The following PELO variants were observed in gnomAD, a reference collection of about 807,000 sequenced individuals.
The protein encoded by PELO is protein pelota homolog.
PELO carries 19 observed loss-of-function variants against 25.9 expected under a neutral mutation model. The observed-to-expected ratio is 0.73, with a 90% CI of 0.51 to 1.08. PELO has a LOEUF of 1.08. Ranked by LOEUF, PELO falls within the 50% of genes least tolerant of loss-of-function variation. The probability of loss-of-function intolerance (pLI) is 0.00; values close to 1 mark genes in which losing one functional copy is unlikely to be tolerated. For missense variants in PELO, 498 were observed against 491.4 expected (o/e 1.01, Z -0.13); for synonymous variants, 196 against 192.2 (o/e 1.02, Z -0.16).
intron 1 of PELO, among the ~76,000 whole-genome samples, chr5:52,791,047 C>T (rs1474836855): frequency 6.6e-6 from 1 of 152,186 alleles, no homozygotes; most frequent in Non-Finnish European, 1.5e-5. Context: ...CCACCAGCAT[C>T]CCAATAAACT....
Position 52,800,791 on chromosome 5 carries a change from T to C in PELO, c.397T>C (p.Trp133Arg). ...CATCGAGCAGGCCTGTGACCCAGCC[T>C]GGAGCGCTGATGTGGCGGCTGTGGT... ...ERIEQACDPA[W>R]SADVAAVVMQ... is the part of the protein sequence containing the mutation. Residue 133 changes from tryptophan (W) to arginine (R), a missense_variant, in exon 2 of 3, where the codon TGG becomes CGG. Physicochemically the swap from Trp to Arg is moderately radical, Grantham distance 101. Coordinates refer to ENST00000274311, the MANE Select transcript of PELO (RefSeq NM_015946.5). 6.2e-7 allele frequency: 1 copy of C among 1,613,526 alleles called. No homozygotes were observed. The highest frequency in any genetic ancestry group is 8.5e-7 in the Non-Finnish European group (1 of 1,179,586).
In PELO at chr5:52,800,238, A is replaced by G. The variant is rs1748435236; in HGVS notation, c.-157A>G. 5.8e-6 allele frequency: 4 copies of G among 685,410 alleles called. No individual in the cohort carries two copies. The highest frequency in any genetic ancestry group is 9.9e-6 in the Non-Finnish European group (4 of 402,556). 42.5% of individuals were successfully genotyped at this position (685,410 alleles called of 1,614,324 possible). On this transcript the variant is annotated 5_prime_UTR_variant, in exon 2 of 3. It removes an upstream start codon present in the reference 5' UTR. Transcript: ENST00000274311. ...TAGAGGAAGTGCTGCCCTAGGCTGC[A>G]TGAGTCGAAGCAAGCGTGTTTCCTT...
chr5:52,793,161 A>C (rs949789125), intron 1 of PELO, among the ~76,000 whole-genome samples: 2 of 152,074 alleles, frequency 1.3e-5, no homozygotes, highest in African/African-American at 4.8e-5. Flanking sequence ...ATAATGCACC[A>C]CGGTATTATA....
intron 1 of PELO, among the ~76,000 whole-genome samples, chr5:52,790,324 A>C (rs1006194977): frequency 2.6e-5 from 4 of 151,862 alleles, no homozygotes; most frequent in African/African-American, 9.7e-5. Context: ...CTAATCCAAC[A>C]CCCTCTCTCT....
At chr5:52,794,306 AT>A (rs1382276247) in intron 1 of PELO, among the ~76,000 whole-genome samples, 2 of 151,978 alleles carry the variant, frequency 1.3e-5, no homozygotes, top group Non-Finnish European at 2.9e-5. Flanking sequence ...TTTGTTACAA[AT>A]CATATATCCT....
In PELO at chr5:52,800,289, C is replaced by A. The variant is rs555830093; in HGVS notation, c.-106C>A. The A allele has an allele frequency of 1.5e-4, 190 of 1,282,464 alleles. No homozygotes were observed. In the African/African-American group the frequency reaches 2.7e-3, roughly 18 times the overall value. 79.4% of individuals were successfully genotyped at this position (1,282,464 alleles called of 1,614,324 possible). On this transcript the variant is annotated 5_prime_UTR_variant, in exon 2 of 3. Coordinates refer to ENST00000274311, the MANE Select transcript of PELO (RefSeq NM_015946.5). ...CCCGCCAGGCAAGTGCCCTTAGAAA[C>A]CGGGCCCCGCCCCCTTCCTGGCCTG...
chr5:52,790,120 T>C (rs1748210121), intron 1 of PELO, among the ~76,000 whole-genome samples: 1 of 152,190 alleles, frequency 6.6e-6, no homozygotes, highest in South Asian at 2.1e-4. Context: ...CAGAGTCCGT[T>C]TGTAACCTGG....
intron 1 of PELO, among the ~76,000 whole-genome samples, chr5:52,791,626 T>G (rs973280184): frequency 4.6e-5 from 7 of 152,202 alleles, no homozygotes; most frequent in African/African-American, 9.7e-5. Flanking sequence ...CCGAAATGTA[T>G]TATGTGCAAG....
chr5:52,795,095 G>A (rs757048662), intron 1 of PELO, among the ~76,000 whole-genome samples: 34 of 151,760 alleles, frequency 2.2e-4, no homozygotes, highest in Non-Finnish European at 4.7e-4. Flanking sequence ...CCTAATTTTA[G>A]AATGTCAGTT....
Position 52,803,268 on chromosome 5 carries a change from T to TGTA in PELO, c.*1429_*1431dup, listed in dbSNP as rs1406466777. 1 of 152,202 alleles carries TGTA rather than the reference T, an allele frequency of 6.6e-6. No individual in the cohort carries two copies. The highest frequency in any genetic ancestry group is 1.5e-5 in the Non-Finnish European group (1 of 68,038). The allele number at this position is 152,202 out of a possible 1,614,324, so 9.4% of individuals were successfully genotyped here. A position where few individuals can be genotyped will look rare whatever the true frequency, so the allele number is the denominator to read the frequency against. On this transcript the variant is annotated 3_prime_UTR_variant, in exon 3 of 3. Transcript: ENST00000274311. The stretch of plus-strand genomic sequence containing the variant: ...TTTAAAACTCACATATGTATATTTT[T>TGTA]GTACATCTATCTCCTAATTCAAAAG...
intron 1 of PELO, among the ~76,000 whole-genome samples, chr5:52,795,206 G>A (rs1401514423): frequency 1.3e-5 from 2 of 151,860 alleles, no homozygotes; most frequent in Non-Finnish European, 2.9e-5. Context: ...TGTGTTCCAG[G>A]AGAACAAAGA....
intron 2 of PELO, 59 bp downstream of exon 2, chr5:52,801,179 T>A: frequency 6.8e-7 from 1 of 1,473,968 alleles, no homozygotes; most frequent in Non-Finnish European, 9.1e-7. Context: ...TATAAACTAC[T>A]CCTAAAGTTT....
chr5:52,800,291 G>A lies in PELO; in HGVS notation c.-104G>A. 7.6e-7 allele frequency: 1 copy of A among 1,308,718 alleles called. No homozygotes were observed. Among genetic ancestry groups the A allele is most frequent in the Non-Finnish European group, 1.1e-6 (1 of 935,166 alleles). The allele number at this position is 1,308,718 out of a possible 1,614,324, so 81.1% of individuals were successfully genotyped here. ...CGCCAGGCAAGTGCCCTTAGAAACCGGGCCCCGCCCCCTTCCTGGCCTGCA... is the reference window on the plus strand; with the variant it reads ...CGCCAGGCAAGTGCCCTTAGAAACCAGGCCCCGCCCCCTTCCTGGCCTGCA... On this transcript the variant is annotated 5_prime_UTR_variant, in exon 2 of 3. Transcript: ENST00000274311.
chr5:52,794,563 G>C (rs1453105421), intron 1 of PELO, among the ~76,000 whole-genome samples: 1 of 146,990 alleles, frequency 6.8e-6, no homozygotes, highest in African/African-American at 2.5e-5. Flanking sequence ...TTGTTTATTT[G>C]GTAGGAGGTT....
At position 52,800,272 on chromosome 5, in the gene PELO, G is replaced by C; in HGVS notation, c.-123G>C. The C allele has an allele frequency of 1.0e-6, 1 of 975,476 alleles. No homozygotes were observed. The highest frequency in any genetic ancestry group is 1.5e-5 in the South Asian group (1 of 65,014). 60.4% of individuals were successfully genotyped at this position (975,476 alleles called of 1,614,324 possible). On this transcript the variant is annotated 5_prime_UTR_variant, in exon 2 of 3. Coordinates refer to ENST00000274311, the MANE Select transcript of PELO (RefSeq NM_015946.5). The stretch of plus-strand genomic sequence containing the variant: ...AGCAAGCGTGTTTCCTTCCCGCCAG[G>C]CAAGTGCCCTTAGAAACCGGGCCCC...
chr5:52,801,822 C>T lies in PELO; in HGVS notation c.1140C>T (p.Ser380=). The change falls in exon 3 of 3, where the codon TCC becomes TCT. Residue 380 remains serine, a synonymous_variant. Coordinates refer to ENST00000274311, the MANE Select transcript of PELO (RefSeq NM_015946.5). ...VPELSDQEGD[S]SSEED Reference sequence around the variant, plus strand: ...AACTTTCTGACCAAGAGGGTGATTCCAGTTCTGAAGAGGATTAATGATTGA... The same window carrying T: ...AACTTTCTGACCAAGAGGGTGATTCTAGTTCTGAAGAGGATTAATGATTGA... 4 of 1,607,702 alleles carry T rather than the reference C, an allele frequency of 2.5e-6. No homozygotes were observed. Among genetic ancestry groups the T allele is most frequent in the Non-Finnish European group, 3.4e-6 (4 of 1,176,586 alleles).
At chr5:52,793,162 C>T (rs1007083847) in intron 1 of PELO, among the ~76,000 whole-genome samples, 2 of 152,044 alleles carry the variant, frequency 1.3e-5, no homozygotes, top group African/African-American at 4.8e-5. Context: ...TAATGCACCA[C>T]GGTATTATAA....
chr5:52,798,292 C>A (rs1406521054), intron 1 of PELO, among the ~76,000 whole-genome samples: 3 of 152,036 alleles, frequency 2.0e-5, no homozygotes, highest in Admixed American at 1.3e-4. Flanking sequence ...TAAGGGGAGA[C>A]ATAGAGAGCG....
At position 52,803,979 on chromosome 5, in the gene PELO, T is replaced by A. The variant is rs3828594; in HGVS notation, c.*2139T>A. On this transcript the variant is annotated 3_prime_UTR_variant, in exon 3 of 3. Transcript: ENST00000274311. ...GCCATACTCAACTGTCTATAAAACC[T>A]CTATAAATTTCTGTTTTTATGTCTA... 1 of 152,128 alleles carries A rather than the reference T, an allele frequency of 6.6e-6. No homozygotes were observed. Among genetic ancestry groups the A allele is most frequent in the African/African-American group, 2.4e-5 (1 of 41,410 alleles). The allele number at this position is 152,128 out of a possible 1,614,324, so 9.4% of individuals were successfully genotyped here. A position where few individuals can be genotyped will look rare whatever the true frequency, so the allele number is the denominator to read the frequency against.
Sources: gnomAD v4.1 joint callset for allele counts (sites outside exome capture counted in the v4.1 genomes callset) on GRCh38, gnomAD v4.1.1 for gene constraint, MANE v1.5 for transcripts, NCBI Gene and HGNC (gene_info 2026-07-23, HGNC 2026-07-21) for gene names.